NUP188: variants seen among roughly 807,000 people sequenced by gnomAD.
NUP188 encodes the protein nucleoporin 188, also known as nucleoporin NUP188.
In NUP188, 97 loss-of-function variants were observed where a neutral mutation model predicts 223.0. The observed-to-expected ratio is 0.43, with a 90% CI of 0.37 to 0.51. NUP188 has a LOEUF of 0.51. Among genes scored for constraint, NUP188 ranks in the 20% least tolerant of loss-of-function variants. NUP188 has a pLI of 0.00. For missense variants in NUP188, 1,947 were observed against 2,175.6 expected (o/e 0.89, Z 2.09); for synonymous variants, 869 against 828.0 (o/e 1.05, Z -0.85).
chr9:128,971,820 G>C (rs1207956677), intron 11 of NUP188, among the ~76,000 whole-genome samples: 1 of 151,668 alleles, frequency 6.6e-6, no homozygotes, highest in Admixed American at 6.6e-5. Context: ...CTATTGCCCA[G>C]GCTGGAGTAC....
In NUP188 at chr9:128,994,357, T is replaced by C. The variant is rs752463851; in HGVS notation, c.3018-16T>C. The C allele has an allele frequency of 3.8e-6, 6 of 1,578,952 alleles. No individual in the cohort carries two copies. Among genetic ancestry groups the C allele is most frequent in the Non-Finnish European group, 5.2e-6 (6 of 1,148,228 alleles). The stretch of plus-strand genomic sequence containing the variant: ...AGGGAAAAAGTTATGATTTCAAACA[T>C]TTATTTCCTTTTTAGACCCAAGTTT... On this transcript the variant is annotated splice_polypyrimidine_tract_variant and intron_variant, in intron 27 of 43. Transcript: ENST00000372577.
chr9:128,981,161 G>C, intron 14 of NUP188, 103 bp from the exon 15 acceptor site: 2 of 1,372,738 alleles, frequency 1.5e-6, no homozygotes, highest in South Asian at 2.7e-5. Context: ...TCACAGTGGT[G>C]GGCTTGCAAG....
At chr9:128,956,501 G>T in intron 4 of NUP188, 67 bp downstream of exon 4, 1 of 771,070 alleles carries the variant, frequency 1.3e-6, no homozygotes, top group Admixed American at 3.1e-5. Context: ...TATATTGCTA[G>T]TGATAGTGAA....
chr9:129,001,916 C>T lies in NUP188; in HGVS notation c.4077C>T (p.Thr1359=), dbSNP rs372759844. The T allele has an allele frequency of 6.3e-5, 102 of 1,614,178 alleles. No homozygotes were observed. The African/African-American group carries it at 1.2e-3, about 19-fold the overall frequency. ...CAGCAGTGGCTGGAGCTGGCATCAC[C>T]CAGAGCATTTGTTTGCCCCTTCTGA... ...GATAVAGAGI[T]QSICLPLLSV... The change falls in exon 36 of 44, where the codon ACC becomes ACT. Residue 1359 remains threonine (T), a synonymous_variant. Coordinates refer to ENST00000372577, the MANE Select transcript of NUP188 (RefSeq NM_015354.3).
intron 3 of NUP188, among the ~76,000 whole-genome samples, chr9:128,954,383 C>A (rs1305589000): frequency 1.2e-5 from 1 of 84,070 alleles, no homozygotes; most frequent in East Asian, 3.6e-4. Context: ...ATGTCTTAGT[C>A]TTTTTTTTTT....
chr9:128,973,303 TC>T, intron 12 of NUP188, 54 bp downstream of exon 12: 1 of 1,262,080 alleles, frequency 7.9e-7, no homozygotes, highest in Non-Finnish European at 1.2e-6. Context: ...TGCAATCAAG[TC>T]CCAAAAATAT....
chr9:128,987,871 A>G (rs1272200064), intron 23 of NUP188, among the ~76,000 whole-genome samples, 154 bp downstream of exon 23: 1 of 152,200 alleles, frequency 6.6e-6, no homozygotes, highest in Non-Finnish European at 1.5e-5. Flanking sequence ...TGCTGTATAG[A>G]TTGGCGTATA....
At chr9:128,997,391 A>G (rs967295135) in intron 30 of NUP188, among the ~76,000 whole-genome samples, 8 of 152,214 alleles carry the variant, frequency 5.3e-5, no homozygotes, top group African/African-American at 1.9e-4. Context: ...AAGGATTCTA[A>G]GCAGAGGGAG....
intron 36 of NUP188, among the ~76,000 whole-genome samples, chr9:129,002,456 G>T (rs1842688183): frequency 6.6e-6 from 1 of 152,216 alleles, no homozygotes. Context: ...AATTTCAAAA[G>T]AGTAGTCTTC....
At position 129,005,633 on chromosome 9, in the gene NUP188, C is replaced by T; in HGVS notation, c.4738-12C>T. On this transcript the variant is annotated splice_polypyrimidine_tract_variant and intron_variant, in intron 40 of 43. Coordinates refer to ENST00000372577, the MANE Select transcript of NUP188 (RefSeq NM_015354.3). ...TAATTGGGTCCTGGATGGCTCTTGT[C>T]TTTTCTCGCAGTCCCTGGACCTTGC... 2 of 1,612,648 alleles carry T rather than the reference C, an allele frequency of 1.2e-6. No homozygotes were observed. The highest frequency in any genetic ancestry group is 1.7e-6 in the Non-Finnish European group (2 of 1,179,202).
At chr9:128,982,415 G>A in intron 15 of NUP188, 134 bp from the exon 16 acceptor site, 1 of 773,094 alleles carries the variant, frequency 1.3e-6, no homozygotes, top group East Asian at 2.7e-5. Flanking sequence ...GGGCAAGAGG[G>A]AGACTCTGTC....
At chr9:128,949,113 C>G (rs778990106) in intron 1 of NUP188, 76 bp from the exon 2 acceptor site, 2 of 1,083,670 alleles carry the variant, frequency 1.8e-6, no homozygotes, top group Non-Finnish European at 2.8e-6. Flanking sequence ...AGAGAGCAGA[C>G]AAAATGGCTA....
At chr9:128,954,682 T>TGACAATGTC (rs1398437475) in intron 3 of NUP188, among the ~76,000 whole-genome samples, 7 of 150,614 alleles carry the variant, frequency 4.6e-5, no homozygotes, top group Admixed American at 1.3e-4. Flanking sequence ...CCGCGGCCGG[T>TGACAATGTC]GACAATGTCG....
At position 128,956,344 on chromosome 9, in the gene NUP188, T is replaced by C. The variant is rs1336909330; in HGVS notation, c.162-6T>C. The C allele has an allele frequency of 1.3e-6, 2 of 1,535,440 alleles. No individual in the cohort carries two copies. The highest frequency in any genetic ancestry group is 1.2e-5 in the South Asian group (1 of 80,650). Reference sequence around the variant, plus strand: ...ATGAAGAAATGATTCACTGTTCTTTTTGTAGTCCAAGTTCAGCTGAAAAAG... The same window carrying C: ...ATGAAGAAATGATTCACTGTTCTTTCTGTAGTCCAAGTTCAGCTGAAAAAG... On this transcript the variant is annotated splice_polypyrimidine_tract_variant and splice_region_variant and intron_variant, in intron 3 of 43. Transcript: ENST00000372577.
chr9:128,971,382 G>A (rs1411971049), intron 11 of NUP188, among the ~76,000 whole-genome samples: 1 of 152,100 alleles, frequency 6.6e-6, no homozygotes, highest in Non-Finnish European at 1.5e-5. Flanking sequence ...TCTTATGTTG[G>A]GGTTTGAGTG....
rs764108969 is a variant in NUP188, at chr9:128,970,754, C to G, written c.913-4C>G. 6.2e-6 allele frequency: 10 copies of G among 1,613,456 alleles called. No homozygotes were observed. In the East Asian group the frequency reaches 2.2e-4, roughly 36 times the overall value. ...GATGTAGATGTGTTTTCTTCTCTCA[C>G]TAGGATATGGACTGTTTAATGTTGA... On this transcript the variant is annotated splice_polypyrimidine_tract_variant and splice_region_variant and intron_variant, in intron 10 of 43. Transcript: ENST00000372577.
intron 3 of NUP188, among the ~76,000 whole-genome samples, chr9:128,956,125 T>G (rs1202353149): frequency 6.6e-6 from 1 of 151,954 alleles, no homozygotes; most frequent in African/African-American, 2.4e-5. Context: ...ACTTTTTTTT[T>G]GTTTTGTTTT....
chr9:128,961,220 C>T (rs752057130), intron 8 of NUP188, among the ~76,000 whole-genome samples: 2 of 151,624 alleles, frequency 1.3e-5, no homozygotes, highest in Non-Finnish European at 2.9e-5. Context: ...ATCCCAGCTA[C>T]TCGGGAGGCT....
At chr9:128,979,225 G>A in intron 12 of NUP188, 37 bp from the exon 13 acceptor site, 1 of 1,469,620 alleles carries the variant, frequency 6.8e-7, no homozygotes, top group Non-Finnish European at 9.5e-7. Context: ...GGTTCAGCTA[G>A]GGAAAATGAT....
Sources: allele counts gnomAD v4.1 joint callset (sites outside exome capture counted in the v4.1 genomes callset), GRCh38; gene constraint gnomAD v4.1.1; transcripts MANE v1.5; gene names NCBI Gene and HGNC (gene_info 2026-07-23, HGNC 2026-07-21).